PTBP3: variants seen among roughly 807,000 people sequenced by gnomAD.
The protein encoded by PTBP3 is polypyrimidine tract binding protein 3.
In PTBP3, 20 loss-of-function variants were observed where a neutral mutation model predicts 58.7. The observed-to-expected ratio is 0.34, with a 90% CI of 0.24 to 0.50. The LOEUF is 0.50. PTBP3 is among the 20% of genes least tolerant of loss of function. PTBP3 has a pLI of 0.98. For synonymous variants in PTBP3, 185 were observed against 219.8 expected (o/e 0.84, Z 1.40); for missense variants, 509 against 637.2 (o/e 0.80, Z 2.17).
At chr9:112,243,633 G>C (rs1835751898) in intron 7 of PTBP3, among the ~76,000 whole-genome samples, 1 of 152,188 alleles carries the variant, frequency 6.6e-6, no homozygotes, top group South Asian at 2.1e-4. Flanking sequence ...AATGTAAAAA[G>C]AATCCACGGG....
intron 1 of PTBP3, among the ~76,000 whole-genome samples, chr9:112,298,838 A>G (rs1025873157): frequency 2.0e-5 from 3 of 152,202 alleles, no homozygotes; most frequent in African/African-American, 7.2e-5. Context: ...ACAATTATTT[A>G]AACAAGTCCT....
chr9:112,364,369 T>C, the PTBP3 span, among the ~76,000 whole-genome samples: 1 of 151,978 alleles, frequency 6.6e-6, no homozygotes, highest in Non-Finnish European at 1.5e-5. Context: ...TAAAGAAAAG[T>C]ACCAGGGGGC....
intron 2 of PTBP3, among the ~76,000 whole-genome samples, chr9:112,283,304 T>C (rs953246484): frequency 2.0e-5 from 3 of 152,172 alleles, no homozygotes; most frequent in Admixed American, 6.5e-5. Context: ...GTGGGAAACT[T>C]TGGAACTTCC....
intron 1 of PTBP3, chr9:112,333,167 G>A: frequency 1.7e-6 from 2 of 1,188,058 alleles, no homozygotes; most frequent in South Asian, 6.4e-5. Context: ...GCGGAGGGCG[G>A]ACCTCGGCAC....
intron 7 of PTBP3, among the ~76,000 whole-genome samples, chr9:112,250,607 T>G (rs1836070571): frequency 6.6e-6 from 1 of 152,194 alleles, no homozygotes; most frequent in Non-Finnish European, 1.5e-5. Context: ...GCAAAATTAT[T>G]ATGGCTATAA....
At chr9:112,263,981 C>CAA (rs1036784076) in intron 4 of PTBP3, among the ~76,000 whole-genome samples, 2 of 134,864 alleles carry the variant, frequency 1.5e-5, no homozygotes, top group African/African-American at 2.7e-5. Flanking sequence ...GGTGCTGTCT[C>CAA]AAAAAAAAAA....
At chr9:112,307,466 A>G (rs2132364862) in intron 1 of PTBP3, among the ~76,000 whole-genome samples, 2 of 152,308 alleles carry the variant, frequency 1.3e-5, no homozygotes, top group South Asian at 4.1e-4. Context: ...TAAAAAATAA[A>G]AAAGATAAAT....
intron 1 of PTBP3, 135 bp downstream of exon 1, chr9:112,333,333 CGT>C (rs1409363749): frequency 1.5e-5 from 16 of 1,092,238 alleles, no homozygotes; most frequent in Non-Finnish European, 1.9e-5. Context: ...GAAGCCCCGC[CGT>C]CGGGCTTGGC....
At chr9:112,225,768 A>C (rs1004872981) in intron 12 of PTBP3, among the ~76,000 whole-genome samples, 1 of 152,178 alleles carries the variant, frequency 6.6e-6, no homozygotes, top group African/African-American at 2.4e-5. Flanking sequence ...TAAAAAGCTA[A>C]CAACAGAGCT....
the PTBP3 span, among the ~76,000 whole-genome samples, chr9:112,346,614 C>T: frequency 6.6e-6 from 1 of 152,200 alleles, no homozygotes; most frequent in African/African-American, 2.4e-5. Flanking sequence ...AAAGGGAAAA[C>T]TTTTAAGGTT....
Position 112,316,344 on chromosome 9 carries a change from C to T in PTBP3, c.-52+17126G>A, listed in dbSNP as rs115680189. Among the ~76,000 whole-genome samples the T allele has an allele frequency of 5.3e-5, 8 of 152,298 alleles. No homozygotes were observed. The South Asian group carries it at 1.7e-3, about 32-fold the overall frequency. On this transcript the variant is annotated intron_variant, in intron 1 of 13. Transcript: ENST00000374257. Reference sequence around the variant, plus strand: ...CTTTTACCTCATACTCTCTCACTCTCTTTTTACATATTTATAAGAAGCAAG... The same window carrying T: ...CTTTTACCTCATACTCTCTCACTCTTTTTTTACATATTTATAAGAAGCAAG...
chr9:112,265,220 G>A (rs1836748627), intron 4 of PTBP3, among the ~76,000 whole-genome samples: 1 of 151,952 alleles, frequency 6.6e-6, no homozygotes, highest in African/African-American at 2.4e-5. Flanking sequence ...TAAGTCTTAG[G>A]AGCCGGGTGC....
At chr9:112,344,746 A>G in the PTBP3 span, among the ~76,000 whole-genome samples, 1 of 152,250 alleles carries the variant, frequency 6.6e-6, no homozygotes, top group African/African-American at 2.4e-5. Flanking sequence ...GAAAAAAATT[A>G]ATGAGAGAGT....
At chr9:112,306,297 A>G (rs1829205840) in intron 1 of PTBP3, among the ~76,000 whole-genome samples, 1 of 151,808 alleles carries the variant, frequency 6.6e-6, no homozygotes, top group Non-Finnish European at 1.5e-5. Context: ...CCTGAGTAGC[A>G]GGGACCACAG....
chr9:112,320,315 T>TATATA (rs60292377), intron 1 of PTBP3, among the ~76,000 whole-genome samples: 1 of 27,074 alleles, frequency 3.7e-5, no homozygotes, highest in South Asian at 1.1e-3. Flanking sequence ...TATATATATA[T>TATATA]TTTTTTTTAA....
At chr9:112,309,249 T>C (rs1221145733) in intron 1 of PTBP3, among the ~76,000 whole-genome samples, 1 of 152,114 alleles carries the variant, frequency 6.6e-6, no homozygotes, top group Non-Finnish European at 1.5e-5. Context: ...ATCCAAGTCC[T>C]ACCTTTTTCT....
chr9:112,379,864 T>A, the PTBP3 span: 6 of 519,444 alleles, frequency 1.2e-5, no homozygotes, highest in African/African-American at 8.2e-5. Context: ...AGGAGCCTGA[T>A]TGTCACCGTA....
At chr9:112,281,186 T>C (rs149035428) in intron 2 of PTBP3, 197 of 190,880 alleles carry the variant, frequency 1.0e-3, no homozygotes, top group African/African-American at 4.5e-3. Flanking sequence ...AGAATTACTT[T>C]AGTCCTCCAC....
At chr9:112,366,495 G>C in the PTBP3 span, among the ~76,000 whole-genome samples, 1 of 152,098 alleles carries the variant, frequency 6.6e-6, no homozygotes, top group Non-Finnish European at 1.5e-5. Flanking sequence ...ATGGATGAAA[G>C]GGGCCAATAT....
Sources: allele counts gnomAD v4.1 joint callset (sites outside exome capture counted in the v4.1 genomes callset), GRCh38; gene constraint gnomAD v4.1.1; transcripts MANE v1.5; gene names NCBI Gene and HGNC (gene_info 2026-07-23, HGNC 2026-07-21).